Variants in SH3BGRL observed in about 807,000 individuals in gnomAD.
SH3BGRL encodes the protein SH3 domain binding glutamate rich protein like, also known as adapter SH3BGRL.
SH3BGRL carries 7 observed loss-of-function variants against 9.8 expected under a neutral mutation model. That is an observed-to-expected ratio of 0.72 (90% CI 0.41 to 1.35). The LOEUF is 1.35. Among genes scored for constraint, SH3BGRL ranks in the 40% most tolerant of loss-of-function variants. SH3BGRL has a pLI of 0.01. For missense variants in SH3BGRL, 73 were observed against 84.4 expected, an observed-to-expected ratio of 0.86 and a Z score of 0.53; for synonymous variants, 36 against 29.1, an observed-to-expected ratio of 1.24 and a Z score of -0.76.
chrX:81,226,538 A>C (rs11797796), intron 1 of SH3BGRL, among the ~76,000 whole-genome samples: 26,086 of 99,967 alleles, frequency 0.26, 2,763 homozygotes, highest in East Asian at 0.66. Flanking sequence ...CTCTCTCTCT[A>C]TATATATATA....
intron 1 of SH3BGRL, among the ~76,000 whole-genome samples, chrX:81,251,132 T>G (rs1008139347): frequency 8.9e-6 from 1 of 112,021 alleles, no homozygotes; most frequent in African/African-American, 3.2e-5. Context: ...ATCTGAGACG[T>G]TTTATGAAAA....
intron 3 of SH3BGRL, among the ~76,000 whole-genome samples, chrX:81,290,735 T>C (rs1352390977): frequency 9.0e-6 from 1 of 111,245 alleles, no homozygotes; most frequent in East Asian, 2.8e-4. Context: ...AATTATGTTG[T>C]TTATAATACA....
At chrX:81,290,712 CTAA>C (rs1333611206) in intron 3 of SH3BGRL, among the ~76,000 whole-genome samples, 1 of 110,274 alleles carries the variant, frequency 9.1e-6, no homozygotes, top group African/African-American at 3.3e-5. Context: ...TTTAAGATAA[CTAA>C]TAATATAATA....
intron 3 of SH3BGRL, among the ~76,000 whole-genome samples, chrX:81,279,406 A>G (rs888412650): frequency 9.0e-6 from 1 of 111,045 alleles, no homozygotes; most frequent in African/African-American, 3.3e-5. Context: ...TTTAGCCCCA[A>G]ATAGACTGCA....
At chrX:81,254,467 A>G (rs745616956) in intron 1 of SH3BGRL, among the ~76,000 whole-genome samples, 1 of 112,086 alleles carries the variant, frequency 8.9e-6, no homozygotes, top group South Asian at 3.7e-4. Flanking sequence ...TGGTGGGTAA[A>G]CAATTATCTA....
At chrX:81,295,936 G>A (rs757388994) in intron 3 of SH3BGRL, among the ~76,000 whole-genome samples, 1 of 110,950 alleles carries the variant, frequency 9.0e-6, no homozygotes, top group Non-Finnish European at 1.9e-5. Flanking sequence ...ACATTTTCAG[G>A]TATCTTTATA....
At position 81,248,401 on chromosome X, in the gene SH3BGRL, G is replaced by A. The variant is rs189638759; in HGVS notation, c.46-28583G>A. Among the ~76,000 whole-genome samples the A allele has an allele frequency of 6.2e-5, 7 of 112,201 alleles. No individual in the cohort carries two copies. The East Asian group carries it at 2.0e-3, about 32-fold the overall frequency. On this transcript the variant is annotated intron_variant, in intron 1 of 3. Transcript: ENST00000373212. The stretch of plus-strand genomic sequence containing the variant: ...CACGATTTCAGCGGACCAGGCTGGG[G>A]CACCCAGCAATGGCCCACACAGACT...
chrX:81,251,238 ATATT>A (rs1025962275), intron 1 of SH3BGRL, among the ~76,000 whole-genome samples: 2 of 111,999 alleles, frequency 1.8e-5, no homozygotes, highest in Non-Finnish European at 3.8e-5. Flanking sequence ...TTAGACAAAA[ATATT>A]TATTAGAATA....
At chrX:81,285,811 A>T (rs1210915184) in intron 3 of SH3BGRL, among the ~76,000 whole-genome samples, 3 of 111,971 alleles carry the variant, frequency 2.7e-5, no homozygotes, top group African/African-American at 9.7e-5. Flanking sequence ...GAGCTACAGA[A>T]TTATTTTGAA....
chrX:81,268,337 G>GT (rs2075765043), intron 1 of SH3BGRL, among the ~76,000 whole-genome samples: 1 of 111,468 alleles, frequency 9.0e-6, no homozygotes, highest in African/African-American at 3.3e-5. Flanking sequence ...GACCTTTCCT[G>GT]TTTTTTCTTG....
chrX:81,267,880 C>A (rs2075763318), intron 1 of SH3BGRL, among the ~76,000 whole-genome samples: 1 of 111,716 alleles, frequency 9.0e-6, no homozygotes, highest in Non-Finnish European at 1.9e-5. Flanking sequence ...TTAATTATTG[C>A]CTCAATTTCA....
At chrX:81,261,458 T>G (rs186411392) in intron 1 of SH3BGRL, among the ~76,000 whole-genome samples, 67 of 111,233 alleles carry the variant, frequency 6.0e-4, no homozygotes, top group Non-Finnish European at 1.1e-3. Context: ...GAAATCCTCC[T>G]GAATTTGGAA....
intron 1 of SH3BGRL, among the ~76,000 whole-genome samples, chrX:81,262,216 G>A (rs1465745754): frequency 9.0e-6 from 1 of 110,990 alleles, no homozygotes; most frequent in Admixed American, 9.6e-5. Flanking sequence ...TGGATTTATT[G>A]ACTTTATTCT....
At chrX:81,287,304 T>C (rs1273701413) in intron 3 of SH3BGRL, among the ~76,000 whole-genome samples, 1 of 111,859 alleles carries the variant, frequency 8.9e-6, no homozygotes, top group African/African-American at 3.2e-5. Flanking sequence ...CAACTTATAC[T>C]GCAGGAATTC....
chrX:81,225,031 G>A (rs1032887780), intron 1 of SH3BGRL, among the ~76,000 whole-genome samples: 2 of 110,857 alleles, frequency 1.8e-5, no homozygotes, highest in Non-Finnish European at 3.8e-5. Context: ...GTGAAACAAA[G>A]ATGGCTTTCT....
At chrX:81,253,455 G>A (rs1362882475) in intron 1 of SH3BGRL, among the ~76,000 whole-genome samples, 1 of 111,536 alleles carries the variant, frequency 9.0e-6, no homozygotes, top group Non-Finnish European at 1.9e-5. Context: ...CTGGCCTCAA[G>A]CAAACCTCTC....
rs181470438 is a variant in SH3BGRL, at chrX:81,261,436, C to T, written c.46-15548C>T. 8.1e-5 allele frequency among the ~76,000 whole-genome samples: 9 copies of T among 111,192 alleles called. No individual in the cohort carries two copies. In the East Asian group the frequency reaches 2.6e-3, roughly 32 times the overall value. Reference sequence around the variant, plus strand: ...TCTGTCTTCCAGTATTTTCAGAACACAGCCTCAAATTGAAATCCTCCTGAA... The same window carrying T: ...TCTGTCTTCCAGTATTTTCAGAACATAGCCTCAAATTGAAATCCTCCTGAA... On this transcript the variant is annotated intron_variant, in intron 1 of 3. Coordinates refer to ENST00000373212, the MANE Select transcript of SH3BGRL (RefSeq NM_003022.3).
At chrX:81,287,716 G>A (rs555761729) in intron 3 of SH3BGRL, among the ~76,000 whole-genome samples, 6 of 110,065 alleles carry the variant, frequency 5.5e-5, no homozygotes, top group Middle Eastern at 4.7e-3. Flanking sequence ...ACGGGTTGAC[G>A]GGTGCAGCAG....
chrX:81,250,329 G>C lies in SH3BGRL; in HGVS notation c.46-26655G>C, dbSNP rs953688236. Among the ~76,000 whole-genome samples, 3 of 108,386 alleles carry C rather than the reference G, an allele frequency of 2.8e-5. No individual in the cohort carries two copies. The East Asian group carries it at 8.6e-4, about 31-fold the overall frequency. The allele number at this position is 108,386 out of a possible 115,157, so 94.1% of individuals were successfully genotyped here. Reference sequence around the variant, plus strand: ...GCAGGAGAATCGCTTGAACCCGGGAGGCAGAGGTTGCAGTGAGCCAAGATC... The same window carrying C: ...GCAGGAGAATCGCTTGAACCCGGGACGCAGAGGTTGCAGTGAGCCAAGATC... On this transcript the variant is annotated intron_variant, in intron 1 of 3. Coordinates refer to ENST00000373212, the MANE Select transcript of SH3BGRL (RefSeq NM_003022.3).
Sources: allele counts gnomAD v4.1 joint callset (sites outside exome capture counted in the v4.1 genomes callset), GRCh38; gene constraint gnomAD v4.1.1; transcripts MANE v1.5; gene names NCBI Gene and HGNC (gene_info 2026-07-23, HGNC 2026-07-21).